The following ANKFN1 variants were observed in gnomAD, a reference collection of about 807,000 sequenced individuals.
ANKFN1 encodes the protein ankyrin repeat and fibronectin type-III domain-containing protein 1.
Under a neutral mutation model 108.7 loss-of-function variants are expected in ANKFN1, and 74 were observed. The observed-to-expected ratio is 0.68, with a 90% CI of 0.56 to 0.83. The LOEUF is 0.83. Ranked by LOEUF, ANKFN1 falls within the 40% of genes least tolerant of loss-of-function variation. The probability of loss-of-function intolerance (pLI) is 0.00; values close to 1 mark genes in which losing one functional copy is unlikely to be tolerated. For synonymous variants in ANKFN1, 547 were observed against 516.2 expected, an observed-to-expected ratio of 1.06 and a Z score of -0.81; for missense variants, 1,505 against 1,382.3, an observed-to-expected ratio of 1.09 and a Z score of -1.41.
At chr17:56,116,812 T>C (rs972889025) in intron 4 of ANKFN1, among the ~76,000 whole-genome samples, 1 of 152,094 alleles carries the variant, frequency 6.6e-6, no homozygotes, top group Non-Finnish European at 1.5e-5. Context: ...AAAGATTGCA[T>C]TAAGTTAAAA....
Position 56,511,398 on chromosome 17 carries a change from A to T in ANKFN1, c.*129A>T. On this transcript the variant is annotated 3_prime_UTR_variant, in exon 21 of 21. Coordinates refer to ENST00000682825, the MANE Select transcript of ANKFN1 (RefSeq NM_001370326.1). ...TTTGAATGTTATAAATACAAAGGTT[A>T]CAAGTTCAAGGTCCTCTTTTTTTGG... 1 of 1,092,072 alleles carries T rather than the reference A, an allele frequency of 9.2e-7. No individual in the cohort carries two copies. The highest frequency in any genetic ancestry group is 2.6e-5 in the East Asian group (1 of 38,116). The allele number at this position is 1,092,072 out of a possible 1,614,324, so 67.6% of individuals were successfully genotyped here.
At chr17:56,328,269 T>G (rs927837629) in intron 4 of ANKFN1, among the ~76,000 whole-genome samples, 2 of 152,130 alleles carry the variant, frequency 1.3e-5, no homozygotes, top group African/African-American at 4.8e-5. Flanking sequence ...CCTGTTCCCA[T>G]GCATATGGAA....
At chr17:56,435,533 C>T (rs1402540320) in intron 8 of ANKFN1, among the ~76,000 whole-genome samples, 1 of 152,144 alleles carries the variant, frequency 6.6e-6, no homozygotes, top group African/African-American at 2.4e-5. Flanking sequence ...AAGAGGAGGC[C>T]ATATCACAGG....
intron 8 of ANKFN1, among the ~76,000 whole-genome samples, chr17:56,434,854 G>A (rs1411241298): frequency 8.6e-5 from 13 of 152,040 alleles, no homozygotes; most frequent in Non-Finnish European, 1.9e-4. Flanking sequence ...TAGATGGATC[G>A]GGGGAAGATT....
Position 56,351,165 on chromosome 17 carries a change from T to C in ANKFN1, c.390+198T>C, listed in dbSNP as rs560715741. On this transcript the variant is annotated intron_variant, in intron 5 of 20. Transcript: ENST00000682825. ...AGTCTGAGTGATTGTGAGCTGTTTC[T>C]CTTTCTTTTTGTTTCTTTTTCTTCT... is the stretch of plus-strand genomic sequence containing the variant. 3.9e-5 allele frequency among the ~76,000 whole-genome samples: 6 copies of C among 152,234 alleles called. No homozygotes were observed. The East Asian group carries it at 7.7e-4, about 20-fold the overall frequency.
chr17:56,415,212 T>G (rs1384245208), intron 8 of ANKFN1, among the ~76,000 whole-genome samples: 2 of 152,022 alleles, frequency 1.3e-5, no homozygotes, highest in African/African-American at 4.8e-5. Flanking sequence ...GCTAGTGCAA[T>G]CAGACAAGAC....
chr17:56,393,963 T>C (rs964106249), intron 8 of ANKFN1, among the ~76,000 whole-genome samples: 1 of 152,190 alleles, frequency 6.6e-6, no homozygotes, highest in African/African-American at 2.4e-5. Context: ...TCATGATGTA[T>C]CAGGTAGTGC....
At chr17:56,149,923 CT>C (rs149432847), upstream of ANKFN1, among the ~76,000 whole-genome samples, 1,468 of 152,330 alleles carry the variant, frequency 9.6e-3, 17 homozygotes, top group African/African-American at 0.033. Context: ...CCCATCACCA[CT>C]TCAAACAAAG....
intron 4 of ANKFN1, among the ~76,000 whole-genome samples, chr17:56,122,108 A>G (rs1906660658): frequency 6.6e-6 from 1 of 152,278 alleles, no homozygotes; most frequent in African/African-American, 2.4e-5. Context: ...CTACCCCTAG[A>G]ATTGGACAGT....
chr17:56,381,157 T>G (rs2047091556), intron 8 of ANKFN1, among the ~76,000 whole-genome samples: 1 of 152,216 alleles, frequency 6.6e-6, no homozygotes, highest in Non-Finnish European at 1.5e-5. Context: ...CAGCCACCGC[T>G]GCTGATACCC....
At chr17:56,353,208 T>G (rs569355000) in intron 5 of ANKFN1, among the ~76,000 whole-genome samples, 58 of 152,004 alleles carry the variant, frequency 3.8e-4, no homozygotes, top group African/African-American at 1.4e-3. Flanking sequence ...TTTGACCACA[T>G]GCTATTTTCT....
intron 15 of ANKFN1, among the ~76,000 whole-genome samples, chr17:56,476,349 G>A (rs765357877): frequency 2.0e-5 from 3 of 152,136 alleles, no homozygotes; most frequent in Non-Finnish European, 4.4e-5. Context: ...GTTGTATAGA[G>A]AATCAAAAGT....
intron 4 of ANKFN1, among the ~76,000 whole-genome samples, chr17:56,106,114 A>C (rs968739947): frequency 2.6e-5 from 4 of 152,054 alleles, no homozygotes; most frequent in African/African-American, 7.2e-5. Context: ...TAAATACTAT[A>C]ATATATATTC....
At chr17:56,203,350 G>A (rs536383247) in intron 1 of ANKFN1, among the ~76,000 whole-genome samples, 3 of 152,156 alleles carry the variant, frequency 2.0e-5, no homozygotes, top group South Asian at 2.1e-4. Context: ...TCCTTTCCCC[G>A]TCCATCTCCT....
intron 11 of ANKFN1, among the ~76,000 whole-genome samples, chr17:56,449,491 G>A (rs2049414639): frequency 6.6e-6 from 1 of 151,874 alleles, no homozygotes; most frequent in African/African-American, 2.4e-5. Flanking sequence ...AGTCCTCAAC[G>A]GGGCTAGCTC....
intron 6 of ANKFN1, among the ~76,000 whole-genome samples, chr17:56,363,847 TTCTCA>T (rs1336231490): frequency 4.6e-5 from 7 of 152,124 alleles, no homozygotes; most frequent in African/African-American, 1.7e-4. Flanking sequence ...ATGTCTCATG[TTCTCA>T]CTTATTTAGA....
rs970840428 is a variant in ANKFN1, at chr17:56,229,896, C to T, written c.53+1939C>T. 2.0e-4 allele frequency among the ~76,000 whole-genome samples: 30 copies of T among 151,878 alleles called. 2 individuals carry two copies. Among genetic ancestry groups the T allele is most frequent in the Admixed American group, 1.4e-3 (22 of 15,220 alleles). Reference sequence around the variant, plus strand: ...GCTCCCCAAGCAATCTCTGAGCAACCGGGGAAAGGTTGGTCTGACCCATGG... The same window carrying T: ...GCTCCCCAAGCAATCTCTGAGCAACTGGGGAAAGGTTGGTCTGACCCATGG... On this transcript the variant is annotated intron_variant, in intron 3 of 20. Transcript: ENST00000682825.
Position 56,303,851 on chromosome 17 carries a change from A to ATTTTTTTT in ANKFN1, c.54-22359_54-22352dup, listed in dbSNP as rs34077118. On this transcript the variant is annotated intron_variant, in intron 3 of 20. Transcript: ENST00000682825. ...AGGTGCACACCACCACGCTGAGCCA[A>ATTTTTTTT]TTTTTTTTTTTTTTTTTTGTAATTT... Among the ~76,000 whole-genome samples, 857 of 131,876 alleles carry ATTTTTTTT rather than the reference A, an allele frequency of 6.5e-3. 16 individuals carry two copies. The highest frequency in any genetic ancestry group is 0.023 in the African/African-American group (781 of 34,080). 86.5% of individuals were successfully genotyped at this position (131,876 alleles called of 152,430 possible).
At chr17:56,121,154 T>G (rs991748468) in intron 4 of ANKFN1, among the ~76,000 whole-genome samples, 1 of 152,032 alleles carries the variant, frequency 6.6e-6, no homozygotes, top group Non-Finnish European at 1.5e-5. Context: ...TTTCATCTTT[T>G]TAATGTCTTC....
Sources: allele counts gnomAD v4.1 joint callset (sites outside exome capture counted in the v4.1 genomes callset), GRCh38; gene constraint gnomAD v4.1.1; transcripts MANE v1.5; gene names NCBI Gene and HGNC (gene_info 2026-07-23, HGNC 2026-07-21).